MSI2: variants seen among roughly 807,000 people sequenced by gnomAD.
The protein encoded by MSI2 is musashi RNA binding protein 2.
MSI2 carries 17 observed loss-of-function variants against 45.6 expected under a neutral mutation model. That is an observed-to-expected ratio of 0.37 (90% CI 0.26 to 0.56). The LOEUF (loss-of-function observed/expected upper bound fraction) is 0.56, where lower values mean the gene tolerates loss of function less well. Ranked by LOEUF, MSI2 falls within the 20% of genes least tolerant of loss-of-function variation. The pLI, the probability that MSI2 is intolerant of heterozygous loss-of-function variation, is 0.77. For missense variants in MSI2, 293 were observed against 444.2 expected, an observed-to-expected ratio of 0.66 and a Z score of 3.06; for synonymous variants, 156 against 158.2, an observed-to-expected ratio of 0.99 and a Z score of 0.11.
chr17:57,530,239 G>A (rs1318536464), intron 7 of MSI2, among the ~76,000 whole-genome samples: 2 of 152,144 alleles, frequency 1.3e-5, no homozygotes, highest in Non-Finnish European at 2.9e-5. Flanking sequence ...GTACTTAATT[G>A]TGTTTTTCCC....
At chr17:57,618,064 C>G (rs1183606673) in intron 9 of MSI2, 2 of 132,010 alleles carry the variant, frequency 1.5e-5, no homozygotes, top group African/African-American at 2.7e-5. Context: ...GAGTGAGACT[C>G]TGTCTCAAAA....
Position 57,529,606 on chromosome 17 carries a change from C to A in MSI2, c.406-70C>A. 1 of 1,413,978 alleles carries A rather than the reference C, an allele frequency of 7.1e-7. No individual in the cohort carries two copies. The highest frequency in any genetic ancestry group is 1.0e-6 in the Non-Finnish European group (1 of 1,002,776). The allele number at this position is 1,413,978 out of a possible 1,614,324, so 87.6% of individuals were successfully genotyped here. A position where few individuals can be genotyped will look rare whatever the true frequency, so the allele number is the denominator to read the frequency against. ...TGGAAACTACCCCCTCACCCCCCGA[C>A]ATGCATATAATGTTTTGTGTACTTT... On this transcript the variant is annotated intron_variant, in intron 6 of 13. Coordinates refer to ENST00000284073, the MANE Select transcript of MSI2 (RefSeq NM_138962.4). This position sits in a 1 kb window ranked among gnomAD's most constrained non-coding sequence, Gnocchi z 5.3.
intron 9 of MSI2, chr17:57,618,061 A>C (rs1180750994): frequency 6.6e-6 from 1 of 150,688 alleles, no homozygotes; most frequent in Non-Finnish European, 1.5e-5. Flanking sequence ...ACAGAGTGAG[A>C]CTCTGTCTCA....
intron 6 of MSI2, among the ~76,000 whole-genome samples, chr17:57,453,661 C>T (rs1192606010): frequency 2.0e-5 from 3 of 152,210 alleles, no homozygotes; most frequent in African/African-American, 4.8e-5. Context: ...TTCATTTAAC[C>T]TATCTATGCC....
chr17:57,443,228 G>A (rs2084832915), intron 6 of MSI2, among the ~76,000 whole-genome samples: 1 of 152,198 alleles, frequency 6.6e-6, no homozygotes, highest in African/African-American at 2.4e-5. Flanking sequence ...GCCATGTGTG[G>A]AGCCCTCTGG....
chr17:57,603,526 G>A (rs1906156517), intron 8 of MSI2, among the ~76,000 whole-genome samples: 1 of 152,236 alleles, frequency 6.6e-6, no homozygotes, highest in African/African-American at 2.4e-5. Context: ...TTTGATACCT[G>A]GAGGTCTCGG....
At chr17:57,591,446 G>A (rs72834909) in intron 7 of MSI2, among the ~76,000 whole-genome samples, 11,693 of 152,222 alleles carry the variant, frequency 0.077, 628 homozygotes, top group East Asian at 0.22. Context: ...AATATAAGCC[G>A]GTGTGGTGGC....
intron 11 of MSI2, among the ~76,000 whole-genome samples, chr17:57,658,452 C>G (rs1400105992): frequency 6.6e-6 from 1 of 152,200 alleles, no homozygotes; most frequent in Admixed American, 6.5e-5. Context: ...CATAAAGAGT[C>G]CAGCATTGGA....
intron 6 of MSI2, among the ~76,000 whole-genome samples, chr17:57,462,252 T>G (rs934054071): frequency 6.6e-6 from 1 of 152,220 alleles, no homozygotes; most frequent in African/African-American, 2.4e-5. Flanking sequence ...GGATTAGGGT[T>G]CTCTCCGACT....
At chr17:57,347,873 C>T (rs1444002877) in intron 5 of MSI2, among the ~76,000 whole-genome samples, 2 of 152,220 alleles carry the variant, frequency 1.3e-5, no homozygotes, top group Non-Finnish European at 2.9e-5. Context: ...CTTCTGTTCA[C>T]TGAACCAACA....
At chr17:57,340,315 C>T (rs1418315108) in intron 5 of MSI2, among the ~76,000 whole-genome samples, 1 of 152,212 alleles carries the variant, frequency 6.6e-6, no homozygotes, top group Non-Finnish European at 1.5e-5. Flanking sequence ...TTGTGCTGTA[C>T]TTAACCCTTT....
intron 6 of MSI2, among the ~76,000 whole-genome samples, chr17:57,415,178 C>A (rs1442009815): frequency 6.6e-6 from 1 of 152,138 alleles, no homozygotes; most frequent in African/African-American, 2.4e-5. Context: ...CGGGCAGTTT[C>A]TCTCCCAGAC....
chr17:57,541,855 T>G (rs2087054103), intron 7 of MSI2, among the ~76,000 whole-genome samples: 1 of 152,212 alleles, frequency 6.6e-6, no homozygotes, highest in South Asian at 2.1e-4. Flanking sequence ...CCACCCATCT[T>G]GGTATCAGGA....
chr17:57,346,793 G>A (rs1252663434), intron 5 of MSI2, among the ~76,000 whole-genome samples: 5 of 151,990 alleles, frequency 3.3e-5, no homozygotes, highest in Admixed American at 6.6e-5. Flanking sequence ...TTTTTGTAGC[G>A]ATGGGGTTTT....
chr17:57,322,311 C>T (rs781241100), intron 5 of MSI2, among the ~76,000 whole-genome samples: 1 of 152,072 alleles, frequency 6.6e-6, no homozygotes, highest in Admixed American at 6.5e-5. Context: ...GTTTGGGTGT[C>T]CTCTGCACTT....
At chr17:57,678,188 G>A (rs1913368208) in intron 13 of MSI2, among the ~76,000 whole-genome samples, 1 of 152,218 alleles carries the variant, frequency 6.6e-6, no homozygotes, top group South Asian at 2.1e-4. Flanking sequence ...ACTGGGTTGA[G>A]TTGAGCTCCA....
intron 6 of MSI2, among the ~76,000 whole-genome samples, chr17:57,465,153 A>G (rs1275249446): frequency 6.6e-6 from 1 of 152,198 alleles, no homozygotes; most frequent in Non-Finnish European, 1.5e-5. Flanking sequence ...TTAGATGACT[A>G]GTTCTGAAAA....
intron 5 of MSI2, among the ~76,000 whole-genome samples, chr17:57,317,887 G>A (rs1164804390): frequency 1.3e-5 from 2 of 152,124 alleles, no homozygotes; most frequent in East Asian, 1.9e-4. Flanking sequence ...AGTGACTCAC[G>A]CCTGTAATCC....
chr17:57,682,317 T>TCCC lies in MSI2; in HGVS notation c.*2810_*2812dup, dbSNP rs397856811. ...GGCGGACTCTACGGCGTTTTGTAGA[T>TCCC]CCCCCCCCCCCCACCCACTGTGAAG... On this transcript the variant is annotated 3_prime_UTR_variant, in exon 14 of 14. Transcript: ENST00000284073. 225 of 120,048 alleles carry TCCC rather than the reference T, an allele frequency of 1.9e-3. 3 individuals are homozygous for TCCC. The highest frequency in any genetic ancestry group is 4.6e-3 in the African/African-American group (137 of 29,662). 7.4% of individuals were successfully genotyped at this position (120,048 alleles called of 1,614,324 possible).
Sources: allele counts gnomAD v4.1 joint callset (sites outside exome capture counted in the v4.1 genomes callset), GRCh38; gene constraint gnomAD v4.1.1; non-coding constraint Gnocchi (gnomAD v3.1); transcripts MANE v1.5; gene names NCBI Gene and HGNC (gene_info 2026-07-23, HGNC 2026-07-21).